LCMT1: variants seen among roughly 807,000 people sequenced by gnomAD.
LCMT1 encodes the protein [Phosphatase 2A protein]-leucine-carboxy methyltransferase 1.
Under a neutral mutation model 47.7 loss-of-function variants are expected in LCMT1, and 32 were observed. The ratio of observed to expected loss-of-function variants is 0.67; its 90% confidence interval spans 0.51 to 0.90. The LOEUF (loss-of-function observed/expected upper bound fraction) is 0.90, where lower values mean the gene tolerates loss of function less well. Ranked by LOEUF, LCMT1 falls within the 40% of genes least tolerant of loss-of-function variation. The pLI is 0.00. For synonymous variants in LCMT1, 152 were observed against 149.7 expected, an observed-to-expected ratio of 1.02 and a Z score of -0.11; for missense variants, 375 against 415.2, an observed-to-expected ratio of 0.90 and a Z score of 0.84.
In LCMT1 at chr16:25,113,174, G is replaced by A. The variant is rs376906900; in HGVS notation, c.113+1178G>A. On this transcript the variant is annotated intron_variant, in intron 1 of 10. Transcript: ENST00000399069. ...AAAAAAAAAAAAGTGAGAAGAAAAG[G>A]CTTGAAAAATAGGAAAGTTGTAGGA... 1.1e-4 allele frequency among the ~76,000 whole-genome samples: 17 copies of A among 150,460 alleles called. 1 individual carries two copies. The highest frequency in any genetic ancestry group is 7.3e-4 in the Admixed American group (11 of 15,110).
chr16:25,138,481 A>C (rs1004219190), intron 3 of LCMT1, among the ~76,000 whole-genome samples: 2 of 151,760 alleles, frequency 1.3e-5, no homozygotes, highest in South Asian at 2.1e-4. Flanking sequence ...TGTAGCTACC[A>C]AGCAAGCCAG....
intron 1 of LCMT1, among the ~76,000 whole-genome samples, chr16:25,113,940 C>G (rs925334699): frequency 6.6e-6 from 1 of 152,200 alleles, no homozygotes; most frequent in African/African-American, 2.4e-5. Context: ...CCAGCCTAGT[C>G]TTTTCATTTT....
chr16:25,135,574 G>T (rs1289078419), intron 3 of LCMT1, among the ~76,000 whole-genome samples: 2 of 152,168 alleles, frequency 1.3e-5, no homozygotes, highest in African/African-American at 4.8e-5. Flanking sequence ...AGGTATGTGT[G>T]TGTCTCTAAA....
intron 2 of LCMT1, 33 bp from the exon 3 acceptor site, chr16:25,132,369 A>G: frequency 6.2e-7 from 1 of 1,611,650 alleles, no homozygotes; most frequent in Non-Finnish European, 8.5e-7. Flanking sequence ...TCACTGGGTG[A>G]TAGCTTGTTT....
chr16:25,133,994 C>T (rs928811547), intron 3 of LCMT1, among the ~76,000 whole-genome samples: 6 of 149,916 alleles, frequency 4.0e-5, no homozygotes, highest in Non-Finnish European at 7.4e-5. Flanking sequence ...ATCATGCCAC[C>T]GCACTCCAGC....
At chr16:25,151,046 G>A (rs1961065605) in intron 4 of LCMT1, among the ~76,000 whole-genome samples, 2 of 152,110 alleles carry the variant, frequency 1.3e-5, no homozygotes, top group Non-Finnish European at 2.9e-5. Flanking sequence ...GGATATTGAC[G>A]CGTGTCTGAT....
At chr16:25,169,983 G>A (rs963531098) in intron 8 of LCMT1, among the ~76,000 whole-genome samples, 2 of 152,102 alleles carry the variant, frequency 1.3e-5, no homozygotes, top group Non-Finnish European at 2.9e-5. Context: ...ACTTTGGGAT[G>A]CTGAGGCGGG....
At chr16:25,137,480 G>A (rs182105790) in intron 3 of LCMT1, among the ~76,000 whole-genome samples, 36 of 151,858 alleles carry the variant, frequency 2.4e-4, no homozygotes, top group Admixed American at 5.9e-4. Context: ...GATCTGGCTC[G>A]GTCTCCCAGG....
At chr16:25,123,408 A>G (rs976790719) in intron 1 of LCMT1, among the ~76,000 whole-genome samples, 2 of 150,392 alleles carry the variant, frequency 1.3e-5, no homozygotes, top group African/African-American at 4.9e-5. Flanking sequence ...TATTTTTAGT[A>G]GAGATGGAGT....
rs1455417288 is a variant in LCMT1, at chr16:25,164,704, A to G, written c.676A>G (p.Ile226Val). Residue 226 changes from isoleucine to valine, a missense_variant, in exon 7 of 11, where the codon ATA becomes GTA. By Grantham distance (29) the Ile-to-Val change is conservative. Transcript: ENST00000399069. The part of the protein sequence containing the change: ...AANSFERAMF[I>V]NYEQVNMGDR... ...CAACAGTTTTGAGAGAGCCATGTTC[A>G]TAAACTACGAACAGGTAAAAGGAAG... is the stretch of plus-strand genomic sequence containing the variant. 2.5e-6 allele frequency: 4 copies of G among 1,614,020 alleles called. No individual in the cohort carries two copies. In the Admixed American group the frequency reaches 5.0e-5, roughly 20 times the overall value.
intron 5 of LCMT1, among the ~76,000 whole-genome samples, chr16:25,156,887 A>G (rs1961272506): frequency 6.6e-6 from 1 of 151,674 alleles, no homozygotes; most frequent in Non-Finnish European, 1.5e-5. Flanking sequence ...GTGGTCAGAC[A>G]AACTAATCCT....
At chr16:25,132,640 C>A (rs995743759) in intron 3 of LCMT1, 117 bp downstream of exon 3, 7 of 1,123,506 alleles carry the variant, frequency 6.2e-6, no homozygotes, top group South Asian at 3.1e-5. Flanking sequence ...CTGTCTCCCA[C>A]CCCTGTCCCA....
intron 4 of LCMT1, among the ~76,000 whole-genome samples, chr16:25,150,400 A>G (rs1961043866): frequency 8.1e-6 from 1 of 122,714 alleles, no homozygotes; most frequent in South Asian, 2.6e-4. Flanking sequence ...GCTGGAGTGC[A>G]ATGGCACGAT....
Position 25,176,550 on chromosome 16 carries a change from C to CTTT in LCMT1, c.983-1423_983-1421dup, listed in dbSNP as rs1170373745. ...GGTTTTGGTTTTTGTTTTTTTTTGGCTTTTTTTTTTTTTTTTTTTTTTTTT... is the reference window on the plus strand; with the variant it reads ...GGTTTTGGTTTTTGTTTTTTTTTGGCTTTTTTTTTTTTTTTTTTTTTTTTTTTT... On this transcript the variant is annotated intron_variant, in intron 10 of 10. Transcript: ENST00000399069. 1.9e-3 allele frequency among the ~76,000 whole-genome samples: 83 copies of CTTT among 44,266 alleles called. 14 individuals carry two copies. The highest frequency in any genetic ancestry group is 0.029 in the Middle Eastern group (1 of 34). The allele number at this position is 44,266 out of a possible 152,430, so 29.0% of individuals were successfully genotyped here.
At chr16:25,176,839 G>A (rs1961960537) in intron 10 of LCMT1, among the ~76,000 whole-genome samples, 1 of 150,434 alleles carries the variant, frequency 6.6e-6, no homozygotes, top group Non-Finnish European at 1.5e-5. Context: ...TGGGATTATA[G>A]GCATGAGCCA....
chr16:25,116,528 A>C (rs1959790023), intron 1 of LCMT1, among the ~76,000 whole-genome samples: 1 of 151,984 alleles, frequency 6.6e-6, no homozygotes, highest in Non-Finnish European at 1.5e-5. Context: ...GCCAGCTTCC[A>C]ACAACATTAG....
chr16:25,120,680 T>G (rs1284608495), intron 1 of LCMT1, among the ~76,000 whole-genome samples: 1 of 151,480 alleles, frequency 6.6e-6, no homozygotes, highest in African/African-American at 2.4e-5. Context: ...CTGCTTGCCT[T>G]GGCCTCCCAA....
intron 3 of LCMT1, 22 bp downstream of exon 3, chr16:25,132,545 C>T (rs2082611703): frequency 6.2e-7 from 1 of 1,611,220 alleles, no homozygotes; most frequent in Non-Finnish European, 8.5e-7. Context: ...TTCCCCTCCT[C>T]CCTCCCCAAG....
At chr16:25,173,535 C>T (rs979363166) in intron 9 of LCMT1, among the ~76,000 whole-genome samples, 1 of 152,156 alleles carries the variant, frequency 6.6e-6, no homozygotes, top group African/African-American at 2.4e-5. Context: ...CCTGGGTGTA[C>T]GTGCACACAT....
Sources: gnomAD v4.1 joint callset for allele counts (sites outside exome capture counted in the v4.1 genomes callset) on GRCh38, gnomAD v4.1.1 for gene constraint, MANE v1.5 for transcripts, NCBI Gene and HGNC (gene_info 2026-07-23, HGNC 2026-07-21) for gene names.